The following NRG3 variants were observed in gnomAD, a reference collection of about 807,000 sequenced individuals.
NRG3 encodes neuregulin 3, also known as pro-neuregulin-3, membrane-bound isoform.
NRG3 carries 31 observed loss-of-function variants against 66.9 expected under a neutral mutation model. The observed-to-expected ratio is 0.46, with a 90% CI of 0.35 to 0.63. The LOEUF (loss-of-function observed/expected upper bound fraction) is 0.63. NRG3 is among the 20% of genes least tolerant of loss of function. The pLI is 0.00. For synonymous variants in NRG3, 393 were observed against 359.4 expected, an observed-to-expected ratio of 1.09 and a Z score of -1.06; for missense variants, 910 against 878.9, an observed-to-expected ratio of 1.04 and a Z score of -0.45.
intron 3 of NRG3, among the ~76,000 whole-genome samples, chr10:82,836,632 A>G (rs2062789733): frequency 6.6e-6 from 1 of 152,110 alleles, no homozygotes; most frequent in Non-Finnish European, 1.5e-5. Context: ...TAAGTGATCT[A>G]GAAATGATTT....
intron 2 of NRG3, among the ~76,000 whole-genome samples, chr10:82,467,760 G>C (rs1436601714): frequency 6.6e-6 from 1 of 152,150 alleles, no homozygotes; most frequent in Non-Finnish European, 1.5e-5. Flanking sequence ...TGAGACTTAG[G>C]GGCATGGTAG....
At chr10:82,547,413 A>G (rs1283495719) in intron 2 of NRG3, among the ~76,000 whole-genome samples, 2 of 151,040 alleles carry the variant, frequency 1.3e-5, no homozygotes, top group East Asian at 3.9e-4. Flanking sequence ...TCCAGTATAT[A>G]CATACATATG....
intron 1 of NRG3, among the ~76,000 whole-genome samples, chr10:82,174,514 T>C (rs1443981928): frequency 6.6e-6 from 1 of 152,118 alleles, no homozygotes; most frequent in East Asian, 1.9e-4. Context: ...CTGTTTGTTT[T>C]AAGTTTAGAA....
In NRG3 at chr10:82,716,198, C is replaced by T. The variant is rs568954579; in HGVS notation, c.954-22379C>T. Among the ~76,000 whole-genome samples the T allele has an allele frequency of 8.5e-5, 13 of 152,162 alleles. No individual in the cohort carries two copies. In the South Asian group the frequency reaches 1.7e-3, roughly 19 times the overall value. ...ATTAATTATATAGAAAACAACGACA[C>T]GAAGACCTAAAGGTATGTAGAGAAT... On this transcript the variant is annotated intron_variant, in intron 2 of 8. Coordinates refer to ENST00000372141, the MANE Select transcript of NRG3 (RefSeq NM_001010848.4).
At chr10:82,450,437 C>T (rs182162571) in intron 2 of NRG3, among the ~76,000 whole-genome samples, 2 of 152,188 alleles carry the variant, frequency 1.3e-5, no homozygotes, top group Non-Finnish European at 2.9e-5. Context: ...CAGCTGGTCA[C>T]TCAGCTTCTC....
chr10:82,269,513 AC>A (rs1371986824), intron 1 of NRG3, among the ~76,000 whole-genome samples: 1 of 152,032 alleles, frequency 6.6e-6, no homozygotes, highest in African/African-American at 2.4e-5. Context: ...CTCAGTACTC[AC>A]TGATCATCTC....
intron 1 of NRG3, among the ~76,000 whole-genome samples, chr10:81,884,363 A>G (rs1380287770): frequency 2.6e-5 from 4 of 152,166 alleles, no homozygotes; most frequent in African/African-American, 9.7e-5. Context: ...CTGTCTAAGG[A>G]GAAATTCAGA....
chr10:82,765,309 A>C (rs2059473919), intron 3 of NRG3, among the ~76,000 whole-genome samples: 1 of 152,182 alleles, frequency 6.6e-6, no homozygotes, highest in African/African-American at 2.4e-5. Flanking sequence ...AGAGGATTAA[A>C]GTTTTACATA....
At position 82,522,931 on chromosome 10, in the gene NRG3, C is replaced by T. The variant is rs187211258; in HGVS notation, c.953+164063C>T. Among the ~76,000 whole-genome samples, 8 of 152,262 alleles carry T rather than the reference C, an allele frequency of 5.3e-5. No homozygotes were observed. In the East Asian group the frequency reaches 1.5e-3, roughly 29 times the overall value. ...TGCTATTACCTCTCAATGCCCCATC[C>T]CCTGTCATCCCCAGACATAATAAAA... On this transcript the variant is annotated intron_variant, in intron 2 of 8. Coordinates refer to ENST00000372141, the MANE Select transcript of NRG3 (RefSeq NM_001010848.4).
intron 3 of NRG3, among the ~76,000 whole-genome samples, chr10:82,782,787 G>A (rs921966088): frequency 4.6e-5 from 7 of 152,220 alleles, no homozygotes; most frequent in South Asian, 2.1e-4. Flanking sequence ...GTACAAGGAG[G>A]AACTGGTACC....
At chr10:82,909,193 C>A (rs1160728061) in intron 4 of NRG3, among the ~76,000 whole-genome samples, 1 of 152,218 alleles carries the variant, frequency 6.6e-6, no homozygotes, top group Non-Finnish European at 1.5e-5. Context: ...GAAGTAAAAA[C>A]TCCCATGCAA....
chr10:82,855,584 A>G (rs1189345140), intron 3 of NRG3, among the ~76,000 whole-genome samples: 1 of 151,952 alleles, frequency 6.6e-6, no homozygotes, highest in East Asian at 1.9e-4. Context: ...TTTTTGTAGA[A>G]ATGGAGTTTA....
At chr10:82,499,137 A>G (rs974873596) in intron 2 of NRG3, among the ~76,000 whole-genome samples, 1 of 152,164 alleles carries the variant, frequency 6.6e-6, no homozygotes, top group Non-Finnish European at 1.5e-5. Flanking sequence ...AGTGAGGAGT[A>G]CTGAATTCAG....
chr10:82,032,715 C>T (rs2062626347), intron 1 of NRG3, among the ~76,000 whole-genome samples: 1 of 151,982 alleles, frequency 6.6e-6, no homozygotes, highest in Non-Finnish European at 1.5e-5. Flanking sequence ...GATAATAGCA[C>T]ATTGTGCGTT....
At position 82,486,332 on chromosome 10, in the gene NRG3, T is replaced by A. The variant is rs185814865; in HGVS notation, c.953+127464T>A. Among the ~76,000 whole-genome samples the A allele has an allele frequency of 1.2e-4, 18 of 152,324 alleles. 1 individual carries two copies. The East Asian group carries it at 3.5e-3, about 29-fold the overall frequency. On this transcript the variant is annotated intron_variant, in intron 2 of 8. Coordinates refer to ENST00000372141, the MANE Select transcript of NRG3 (RefSeq NM_001010848.4). Reference sequence around the variant, plus strand: ...TGTACTCCCATATTCAATGAAGCATTATTCATAGTAGTCAAGAGGTAGAAA... The same window carrying A: ...TGTACTCCCATATTCAATGAAGCATAATTCATAGTAGTCAAGAGGTAGAAA...
intron 2 of NRG3, among the ~76,000 whole-genome samples, chr10:82,722,151 CAG>C (rs1328838807): frequency 3.9e-5 from 6 of 152,132 alleles, no homozygotes; most frequent in Non-Finnish European, 1.5e-5. Flanking sequence ...AATTTAGAAA[CAG>C]AACATGTGGG....
At chr10:82,626,397 A>G (rs1398818661) in intron 2 of NRG3, among the ~76,000 whole-genome samples, 1 of 152,178 alleles carries the variant, frequency 6.6e-6, no homozygotes, top group African/African-American at 2.4e-5. Flanking sequence ...GGTGAGGCCC[A>G]ATAAAGGCTT....
chr10:82,842,529 G>A (rs1591692463), intron 3 of NRG3, among the ~76,000 whole-genome samples: 1 of 152,088 alleles, frequency 6.6e-6, no homozygotes, highest in Non-Finnish European at 1.5e-5. Context: ...GCCTGAGAGG[G>A]AAATGAAATG....
At chr10:82,106,000 G>A (rs964230264) in intron 1 of NRG3, among the ~76,000 whole-genome samples, 3 of 152,160 alleles carry the variant, frequency 2.0e-5, no homozygotes, top group Non-Finnish European at 4.4e-5. Context: ...ACAAAGATCT[G>A]TTCTTCTGGG....
Sources: gnomAD v4.1 joint callset for allele counts (sites outside exome capture counted in the v4.1 genomes callset) on GRCh38, gnomAD v4.1.1 for gene constraint, MANE v1.5 for transcripts, NCBI Gene and HGNC (gene_info 2026-07-23, HGNC 2026-07-21) for gene names.